Variants in SGCZ observed in about 807,000 individuals in gnomAD.
SGCZ encodes the protein sarcoglycan zeta.
In SGCZ, 40 loss-of-function variants were observed where a neutral mutation model predicts 41.3. The ratio of observed to expected loss-of-function variants is 0.97; its 90% CI spans 0.75 to 1.26. The LOEUF is 1.26. Among genes scored for constraint, SGCZ ranks in the 50% most tolerant of loss-of-function variants. The pLI is 0.00. For missense variants in SGCZ, 552 were observed against 369.8 expected, an observed-to-expected ratio of 1.49 and a Z score of -4.04; for synonymous variants, 206 against 137.5, an observed-to-expected ratio of 1.50 and a Z score of -3.49.
intron 5 of SGCZ, among the ~76,000 whole-genome samples, chr8:14,110,738 T>C (rs1380158849): frequency 6.6e-6 from 1 of 152,060 alleles, no homozygotes; most frequent in Non-Finnish European, 1.5e-5. Context: ...GAACCAGGTA[T>C]GAAGTCTAAC....
chr8:15,047,446 T>G (rs1804352472), intron 1 of SGCZ, among the ~76,000 whole-genome samples: 1 of 152,072 alleles, frequency 6.6e-6, no homozygotes, highest in Non-Finnish European at 1.5e-5. Flanking sequence ...ATACAGTATT[T>G]GTCCAAAGAT....
intron 1 of SGCZ, among the ~76,000 whole-genome samples, chr8:15,150,130 T>G (rs185339718): frequency 2.6e-5 from 4 of 152,326 alleles, no homozygotes; most frequent in Non-Finnish European, 4.4e-5. Context: ...GATTTTCATT[T>G]CCTTCTTTAC....
At chr8:14,580,641 A>T (rs966393231) in intron 1 of SGCZ, among the ~76,000 whole-genome samples, 1 of 152,244 alleles carries the variant, frequency 6.6e-6, no homozygotes, top group South Asian at 2.1e-4. Flanking sequence ...AGTTATCTTT[A>T]TCAATACATG....
chr8:15,065,455 A>ATTATTC (rs1298484758), intron 1 of SGCZ, among the ~76,000 whole-genome samples: 3 of 135,270 alleles, frequency 2.2e-5, no homozygotes, highest in Non-Finnish European at 4.8e-5. Context: ...TATTATTATT[A>ATTATTC]TTATTTTGAG....
intron 1 of SGCZ, among the ~76,000 whole-genome samples, chr8:15,210,028 C>T (rs1046358964): frequency 2.6e-5 from 4 of 152,046 alleles, no homozygotes; most frequent in Non-Finnish European, 4.4e-5. Context: ...TAATGTGTTT[C>T]GAAAACACAA....
chr8:14,191,171 C>G (rs1480801106), intron 4 of SGCZ, among the ~76,000 whole-genome samples: 1 of 152,078 alleles, frequency 6.6e-6, no homozygotes, highest in Non-Finnish European at 1.5e-5. Context: ...GTTCTTTGCC[C>G]ATTTTTAAAT....
chr8:14,282,847 C>CTTTTTTTTTTTTTTTTTTTTTTTTT (rs1168778028), intron 3 of SGCZ, among the ~76,000 whole-genome samples: 1 of 89,930 alleles, frequency 1.1e-5, no homozygotes, highest in Non-Finnish European at 2.0e-5. Context: ...CTTTCAAATA[C>CTTTTTTTTTTTTTTTTTTTTTTTTT]TTTTTTTTTT....
intron 1 of SGCZ, among the ~76,000 whole-genome samples, chr8:14,955,971 C>A (rs959313544): frequency 1.3e-5 from 2 of 151,070 alleles, no homozygotes; most frequent in Non-Finnish European, 2.9e-5. Context: ...TTTTACTTTT[C>A]ACATTTGGGA....
chr8:14,859,512 C>T (rs904498122), intron 1 of SGCZ, among the ~76,000 whole-genome samples: 3 of 152,070 alleles, frequency 2.0e-5, no homozygotes, highest in Admixed American at 1.3e-4. Context: ...GACTACACTC[C>T]CCAAATCCCA....
intron 1 of SGCZ, among the ~76,000 whole-genome samples, chr8:15,186,796 T>A (rs1409443350): frequency 6.6e-6 from 1 of 152,170 alleles, no homozygotes; most frequent in East Asian, 1.9e-4. Context: ...GACAAAGAAG[T>A]CTACAACATT....
intron 1 of SGCZ, among the ~76,000 whole-genome samples, chr8:14,967,354 A>G (rs1801155853): frequency 6.6e-6 from 1 of 152,150 alleles, no homozygotes; most frequent in Admixed American, 6.6e-5. Context: ...CCCATGGTGC[A>G]CACACAGATT....
intron 4 of SGCZ, among the ~76,000 whole-genome samples, chr8:14,227,154 A>C (rs976330535): frequency 6.6e-6 from 1 of 152,134 alleles, no homozygotes; most frequent in African/African-American, 2.4e-5. Flanking sequence ...ACATTTTCTT[A>C]GTCTGCAATG....
intron 1 of SGCZ, among the ~76,000 whole-genome samples, chr8:14,643,024 G>T (rs11998068): frequency 0.028 from 4,284 of 151,530 alleles, 192 homozygotes; most frequent in African/African-American, 0.097. Flanking sequence ...AATATATTTT[G>T]ACTTTGATTT....
intron 1 of SGCZ, among the ~76,000 whole-genome samples, chr8:14,876,714 T>G (rs913057007): frequency 6.6e-5 from 10 of 152,214 alleles, no homozygotes; most frequent in Non-Finnish European, 1.2e-4. Flanking sequence ...TTATTGGCTT[T>G]GAACCAACTG....
chr8:14,141,520 C>T (rs1214986080), intron 5 of SGCZ, among the ~76,000 whole-genome samples: 3 of 152,220 alleles, frequency 2.0e-5, no homozygotes, highest in African/African-American at 7.2e-5. Flanking sequence ...TGAACAGACA[C>T]TTCTCAAAAG....
At chr8:14,834,613 C>G (rs73535034) in intron 1 of SGCZ, among the ~76,000 whole-genome samples, 11 of 152,268 alleles carry the variant, frequency 7.2e-5, no homozygotes, top group Non-Finnish European at 1.3e-4. Flanking sequence ...AAACTGAAAA[C>G]TATTGGATGG....
chr8:14,149,511 A>C (rs1803629710), intron 5 of SGCZ, among the ~76,000 whole-genome samples: 1 of 152,088 alleles, frequency 6.6e-6, no homozygotes, highest in Non-Finnish European at 1.5e-5. Flanking sequence ...TGGTGAAAGA[A>C]ATTGAAAGGA....
At chr8:14,300,189 A>G (rs1363070161) in intron 3 of SGCZ, among the ~76,000 whole-genome samples, 1 of 151,972 alleles carries the variant, frequency 6.6e-6, no homozygotes, top group Non-Finnish European at 1.5e-5. Flanking sequence ...TGTGTATTTC[A>G]CTGCACATAT....
rs549950356 is a variant in SGCZ at position 14,918,067 on chromosome 8, T to C, written c.39+319518A>G. ...GAGATAGTAGCAAAGCCAAGACTTC[T>C]GTTAAAAATGATTGCCTACTTTCAT... On this transcript the variant is annotated intron_variant, in intron 1 of 7. Transcript: ENST00000382080. 1.2e-3 allele frequency among the ~76,000 whole-genome samples: 177 copies of C among 152,294 alleles called. 2 individuals are homozygous for C. Among genetic ancestry groups the C allele is most frequent in the African/African-American group, 4.0e-3 (165 of 41,566 alleles).
Sources: allele counts gnomAD v4.1 joint callset (sites outside exome capture counted in the v4.1 genomes callset), GRCh38; gene constraint gnomAD v4.1.1; transcripts MANE v1.5; gene names NCBI Gene and HGNC (gene_info 2026-07-23, HGNC 2026-07-21).